Variants in GALNT17 observed in about 807,000 individuals in gnomAD.
The protein encoded by GALNT17 is UDP-GalNAc:polypeptide N-acetylgalactosaminyltransferase-like 3.
In GALNT17, 29 loss-of-function variants were observed where a neutral mutation model predicts 63.7. The ratio of observed to expected loss-of-function variants is 0.46; its 90% confidence interval spans 0.34 to 0.62. GALNT17 has a LOEUF of 0.62. Among genes scored for constraint, GALNT17 ranks in the 20% least tolerant of loss-of-function variants. GALNT17 has a pLI of 0.01. For missense variants in GALNT17, 603 were observed against 799.6 expected (o/e 0.75, Z 2.97); for synonymous variants, 305 against 318.3 (o/e 0.96, Z 0.45).
chr7:71,512,377 GAGGT>G (rs1333542388), intron 5 of GALNT17, among the ~76,000 whole-genome samples: 2 of 152,114 alleles, frequency 1.3e-5, no homozygotes. Context: ...GTGACAGTGA[GAGGT>G]AGCCCAGGGT....
At chr7:71,197,902 A>G (rs796344303) in intron 1 of GALNT17, among the ~76,000 whole-genome samples, 12 of 152,004 alleles carry the variant, frequency 7.9e-5, no homozygotes, top group African/African-American at 2.9e-4. Flanking sequence ...AATCTTCTGT[A>G]AAAAGGGGAT....
Position 71,668,991 on chromosome 7 carries a change from C to T in GALNT17, c.1267-981C>T, listed in dbSNP as rs142951833. On this transcript the variant is annotated intron_variant, in intron 7 of 10. Transcript: ENST00000333538. ...TGGTTGTAGGCATTTATTTTCTTGTCGTAATCAAATAATTCCTCTAATAAT... is the reference window on the plus strand; with the variant it reads ...TGGTTGTAGGCATTTATTTTCTTGTTGTAATCAAATAATTCCTCTAATAAT... Among the ~76,000 whole-genome samples the T allele has an allele frequency of 3.0e-3, 458 of 152,192 alleles. 2 individuals are homozygous for T. Among genetic ancestry groups the T allele is most frequent in the African/African-American group, 0.01 (435 of 41,514 alleles).
At chr7:71,342,388 C>A (rs1269316476) in intron 2 of GALNT17, among the ~76,000 whole-genome samples, 1 of 152,140 alleles carries the variant, frequency 6.6e-6, no homozygotes, top group Non-Finnish European at 1.5e-5. Context: ...TTATGGAGAT[C>A]CACCCCCATG....
rs530428626 is a variant in GALNT17, at chr7:71,423,704, A to T, written c.962+2599A>T. On this transcript the variant is annotated intron_variant, in intron 5 of 10. Transcript: ENST00000333538. Reference sequence around the variant, plus strand: ...CAAGGCAGGAGGATTGCCTGAGTTCAGGAGTTTAAAACCAGCCTGGGCAAC... The same window carrying T: ...CAAGGCAGGAGGATTGCCTGAGTTCTGGAGTTTAAAACCAGCCTGGGCAAC... 4.6e-5 allele frequency among the ~76,000 whole-genome samples: 7 copies of T among 152,292 alleles called. No homozygotes were observed. In the South Asian group the frequency reaches 6.2e-4, roughly 14 times the overall value.
intron 6 of GALNT17, among the ~76,000 whole-genome samples, chr7:71,636,472 T>C (rs1790530261): frequency 6.6e-6 from 1 of 152,094 alleles, no homozygotes; most frequent in Admixed American, 6.6e-5. Flanking sequence ...CTGGTTCAGG[T>C]GGAGGCAAAC....
chr7:71,417,883 G>A (rs73363728), intron 4 of GALNT17, among the ~76,000 whole-genome samples: 6,906 of 152,176 alleles, frequency 0.045, 561 homozygotes, highest in African/African-American at 0.16. Flanking sequence ...CCTCCAGCCA[G>A]TTTTGTCTGC....
At chr7:71,405,395 G>A (rs1022568955) in intron 3 of GALNT17, among the ~76,000 whole-genome samples, 1 of 152,106 alleles carries the variant, frequency 6.6e-6, no homozygotes, top group African/African-American at 2.4e-5. Flanking sequence ...GGGAGGCTGA[G>A]GTGGGAAGAT....
chr7:71,478,651 G>T lies in GALNT17; in HGVS notation c.962+57546G>T, dbSNP rs1787763629. Among the ~76,000 whole-genome samples, 4 of 152,126 alleles carry T rather than the reference G, an allele frequency of 2.6e-5. No individual in the cohort carries two copies. The South Asian group carries it at 8.3e-4, about 32-fold the overall frequency. ...CTTTCCAAGATCAAAGTAAAAACCA[G>T]CTTCACTGCCTCCCTTGTAGCTAGA... is the stretch of plus-strand genomic sequence containing the variant. On this transcript the variant is annotated intron_variant, in intron 5 of 10. Coordinates refer to ENST00000333538, the MANE Select transcript of GALNT17 (RefSeq NM_022479.3).
chr7:71,299,452 C>T (rs1429922376), intron 1 of GALNT17, among the ~76,000 whole-genome samples: 2 of 152,102 alleles, frequency 1.3e-5, no homozygotes, highest in African/African-American at 2.4e-5. Flanking sequence ...ATAAGGAAAC[C>T]GAGGCTGATG....
intron 6 of GALNT17, among the ~76,000 whole-genome samples, chr7:71,592,510 A>ATAAAATAAAATAAAATAAAG (rs1562703191): frequency 1.0e-3 from 73 of 71,992 alleles, no homozygotes; most frequent in African/African-American, 3.5e-3. Context: ...ATAAAATAAA[A>ATAAAATAAAATAAAATAAAG]TAAAATAAAA....
intron 7 of GALNT17, among the ~76,000 whole-genome samples, chr7:71,667,987 C>T (rs1360988858): frequency 5.3e-5 from 8 of 152,036 alleles, no homozygotes; most frequent in Admixed American, 4.6e-4. Flanking sequence ...TTTGTAGAGA[C>T]AAGGTTTTGC....
In GALNT17 at chr7:71,712,043, C is replaced by T. The variant is rs756455895; in HGVS notation, c.1694C>T (p.Thr565Met). 7 of 1,613,910 alleles carry T rather than the reference C, an allele frequency of 4.3e-6. No homozygotes were observed. The highest frequency in any genetic ancestry group is 4.0e-5 in the African/African-American group (3 of 74,902). Residue 565 changes from threonine (T) to methionine (M), a missense_variant, in exon 11 of 11, where the codon ACG becomes ATG. Transcript: ENST00000333538. The stretch of plus-strand genomic sequence containing the variant: ...AATGGAGCCATCATGAACAAGGGCA[C>T]GGGACGCTGCCTGGAGGTGGAGAAC... ...IQNGAIMNKGTGRCLEVENRG... is the reference protein window; with the variant it reads ...IQNGAIMNKGMGRCLEVENRG...
At chr7:71,621,045 T>G (rs537434277) in intron 6 of GALNT17, among the ~76,000 whole-genome samples, 82 of 152,348 alleles carry the variant, frequency 5.4e-4, no homozygotes, top group Admixed American at 2.2e-3. Context: ...GTTGCATTTT[T>G]TAAAAACTAT....
At chr7:71,473,760 C>T (rs1186685225) in intron 5 of GALNT17, among the ~76,000 whole-genome samples, 2 of 152,138 alleles carry the variant, frequency 1.3e-5, no homozygotes, top group African/African-American at 4.8e-5. Context: ...TTGGACAAGT[C>T]TCCTAACCTG....
rs187882354 is a variant in GALNT17 at position 71,611,627 on chromosome 7, G to A, written c.1080+40225G>A. Among the ~76,000 whole-genome samples the A allele has an allele frequency of 1.2e-3, 183 of 152,056 alleles. 3 individuals are homozygous for A. The highest frequency in any genetic ancestry group is 6.6e-4 in the Non-Finnish European group (45 of 68,020). ...TTGATGACAAAGAACTCTTGTCACG[G>A]TCTAGAGCAGTCATACATCCAAAAA... On this transcript the variant is annotated intron_variant, in intron 6 of 10. Transcript: ENST00000333538.
chr7:71,319,093 T>TCTTTCTTTC (rs747369973), intron 1 of GALNT17, among the ~76,000 whole-genome samples: 5,656 of 148,568 alleles, frequency 0.038, 240 homozygotes, highest in African/African-American at 0.11. Flanking sequence ...GCTATTTTTG[T>TCTTTCTTTC]TTATCTTTCT....
chr7:71,356,470 G>A (rs930246194), intron 2 of GALNT17, among the ~76,000 whole-genome samples: 1 of 152,180 alleles, frequency 6.6e-6, no homozygotes, highest in Non-Finnish European at 1.5e-5. Flanking sequence ...TTCTGTCAAA[G>A]GCCTGAGGCT....
chr7:71,643,412 G>A (rs1790631048), intron 6 of GALNT17, among the ~76,000 whole-genome samples: 1 of 152,082 alleles, frequency 6.6e-6, no homozygotes, highest in Admixed American at 6.5e-5. Context: ...AGGTTGCAGT[G>A]AGCTGAGATT....
chr7:71,259,842 G>A (rs570944562), intron 1 of GALNT17, among the ~76,000 whole-genome samples: 1 of 151,692 alleles, frequency 6.6e-6, no homozygotes, highest in Non-Finnish European at 1.5e-5. Context: ...AGGGTTTCAC[G>A]GTGTTAGCCA....
Sources: gnomAD v4.1 joint callset for allele counts (sites outside exome capture counted in the v4.1 genomes callset) on GRCh38, gnomAD v4.1.1 for gene constraint, MANE v1.5 for transcripts, NCBI Gene and HGNC (gene_info 2026-07-23, HGNC 2026-07-21) for gene names.